The following EPB41L4A variants were observed in gnomAD, a reference collection of about 807,000 sequenced individuals.
The protein encoded by EPB41L4A is band 4.1-like protein 4A.
EPB41L4A carries 100 observed loss-of-function variants against 108.6 expected under a neutral mutation model. That is an observed-to-expected ratio of 0.92 (90% CI 0.78 to 1.09). EPB41L4A has a LOEUF of 1.09. Ranked by LOEUF, EPB41L4A falls within the 50% of genes least tolerant of loss-of-function variation. The pLI, the probability that EPB41L4A is intolerant of heterozygous loss-of-function variation, is 0.00. For missense variants in EPB41L4A, 1,030 were observed against 842.7 expected (o/e 1.22, Z -2.75); for synonymous variants, 319 against 289.0 (o/e 1.10, Z -1.05).
chr5:112,156,996 G>T (rs549493703), intron 12 of EPB41L4A, among the ~76,000 whole-genome samples: 5 of 152,166 alleles, frequency 3.3e-5, no homozygotes, highest in Non-Finnish European at 5.9e-5. Flanking sequence ...TGTCTGCGTG[G>T]TGATATGGAT....
At chr5:112,326,297 T>C (rs964077034) in intron 1 of EPB41L4A, among the ~76,000 whole-genome samples, 8 of 151,848 alleles carry the variant, frequency 5.3e-5, no homozygotes, top group African/African-American at 1.9e-4. Flanking sequence ...AAACCCCGCA[T>C]CCAGAAGGAA....
At chr5:112,384,765 C>CGGAA (rs143607126) in intron 1 of EPB41L4A, among the ~76,000 whole-genome samples, 179 of 133,990 alleles carry the variant, frequency 1.3e-3, no homozygotes, top group African/African-American at 4.2e-3. Flanking sequence ...GAAAGAGAAA[C>CGGAA]GGAAGGAAGG....
intron 12 of EPB41L4A, among the ~76,000 whole-genome samples, chr5:112,227,415 G>C (rs1181603798): frequency 6.6e-6 from 1 of 152,184 alleles, no homozygotes; most frequent in Non-Finnish European, 1.5e-5. Context: ...TTAGGAGAAG[G>C]AAACTAAAGT....
intron 15 of EPB41L4A, among the ~76,000 whole-genome samples, chr5:112,200,055 G>A (rs1762147341): frequency 6.6e-6 from 1 of 152,182 alleles, no homozygotes; most frequent in Non-Finnish European, 1.5e-5. Flanking sequence ...AGTCCAGGTG[G>A]GCTGTAAGAT....
intron 2 of EPB41L4A, among the ~76,000 whole-genome samples, chr5:112,281,954 T>A (rs188129936): frequency 0.024 from 3,644 of 151,800 alleles, 130 homozygotes; most frequent in African/African-American, 0.074. Flanking sequence ...GACTTTTTTT[T>A]AAAAAAAAGT....
intron 17 of EPB41L4A, among the ~76,000 whole-genome samples, chr5:112,187,892 C>G (rs991430128): frequency 6.6e-6 from 1 of 152,180 alleles, no homozygotes; most frequent in Non-Finnish European, 1.5e-5. Context: ...TTTCTCCATT[C>G]CCAGCTCTGC....
At chr5:112,301,345 C>T (rs72781674) in intron 2 of EPB41L4A, among the ~76,000 whole-genome samples, 9,319 of 152,140 alleles carry the variant, frequency 0.061, 319 homozygotes, top group Non-Finnish European at 0.068. Flanking sequence ...GGGGTGTTCC[C>T]GTGATGTAGC....
chr5:112,287,000 A>G (rs566974243), intron 2 of EPB41L4A, among the ~76,000 whole-genome samples: 8 of 152,174 alleles, frequency 5.3e-5, no homozygotes, highest in African/African-American at 1.9e-4. Flanking sequence ...ACACTCCTCA[A>G]TCTTGCTTCT....
intron 1 of EPB41L4A, among the ~76,000 whole-genome samples, chr5:112,390,093 T>A (rs1760833414): frequency 6.6e-6 from 1 of 152,188 alleles, no homozygotes; most frequent in South Asian, 2.1e-4. Context: ...GATGGCTGAA[T>A]AGGAAGAGCT....
intron 1 of EPB41L4A, among the ~76,000 whole-genome samples, chr5:112,344,254 C>T (rs1042472349): frequency 1.3e-5 from 2 of 152,188 alleles, no homozygotes; most frequent in Non-Finnish European, 2.9e-5. Context: ...CACAGTCTCA[C>T]TAGTCATATT....
intron 1 of EPB41L4A, among the ~76,000 whole-genome samples, chr5:112,369,366 G>A (rs547821554): frequency 5.3e-5 from 8 of 152,202 alleles, no homozygotes; most frequent in Non-Finnish European, 1.2e-4. Flanking sequence ...CTTCCCTGAC[G>A]CAATCCAGCA....
chr5:112,232,138 G>A (rs992784874), intron 12 of EPB41L4A, among the ~76,000 whole-genome samples: 18 of 151,230 alleles, frequency 1.2e-4, no homozygotes, highest in African/African-American at 3.9e-4. Flanking sequence ...AAGAGAGAGA[G>A]AGAGAGAGAG....
chr5:112,285,336 C>A (rs960975025), intron 2 of EPB41L4A, among the ~76,000 whole-genome samples: 1 of 152,130 alleles, frequency 6.6e-6, no homozygotes, highest in Non-Finnish European at 1.5e-5. Context: ...CCACAAAGAT[C>A]TCAAAAGTGA....
intron 2 of EPB41L4A, among the ~76,000 whole-genome samples, chr5:112,294,265 AAGG>A (rs1753849788): frequency 6.6e-6 from 1 of 152,094 alleles, no homozygotes; most frequent in South Asian, 2.1e-4. Flanking sequence ...TTCATAAGAG[AAGG>A]AGGGAGCATG....
intron 1 of EPB41L4A, among the ~76,000 whole-genome samples, chr5:112,341,304 T>C (rs1290989598): frequency 1.3e-5 from 2 of 152,204 alleles, no homozygotes; most frequent in African/African-American, 2.4e-5. Context: ...TATAATGCCT[T>C]AACCTTCCTA....
At chr5:112,382,654 C>T (rs1218391086) in intron 1 of EPB41L4A, among the ~76,000 whole-genome samples, 1 of 152,164 alleles carries the variant, frequency 6.6e-6, no homozygotes, top group African/African-American at 2.4e-5. Flanking sequence ...AGCAAGGAGA[C>T]AGAAGAGAGC....
chr5:112,244,895 T>C (rs927186573), intron 9 of EPB41L4A, among the ~76,000 whole-genome samples: 2 of 152,172 alleles, frequency 1.3e-5, no homozygotes, highest in African/African-American at 2.4e-5. Context: ...GTTATCTACC[T>C]AATTCCTTCT....
intron 3 of EPB41L4A, among the ~76,000 whole-genome samples, chr5:112,278,706 C>T (rs1752765610): frequency 6.6e-6 from 1 of 151,838 alleles, no homozygotes. Context: ...AACATTTTTT[C>T]ATCACCTTGA....
intron 12 of EPB41L4A, among the ~76,000 whole-genome samples, chr5:112,210,829 G>T (rs1195000882): frequency 6.6e-6 from 1 of 151,918 alleles, no homozygotes; most frequent in East Asian, 1.9e-4. Context: ...ATGCACAGAT[G>T]CCCACAGGCC....
Sources: gnomAD v4.1 joint callset for allele counts (sites outside exome capture counted in the v4.1 genomes callset) on GRCh38, gnomAD v4.1.1 for gene constraint, MANE v1.5 for transcripts, NCBI Gene and HGNC (gene_info 2026-07-23, HGNC 2026-07-21) for gene names.